DOT1L: variants seen among roughly 807,000 people sequenced by gnomAD.
The protein encoded by DOT1L is DOT1 like histone lysine methyltransferase.
In DOT1L, 33 loss-of-function variants were observed where a neutral mutation model predicts 153.3. That is an observed-to-expected ratio of 0.22 (90% confidence interval 0.16 to 0.29). The LOEUF (loss-of-function observed/expected upper bound fraction) is 0.29, where lower values mean the gene tolerates loss of function less well. Among genes scored for constraint, DOT1L ranks in the 10% least tolerant of loss-of-function variants. The probability of loss-of-function intolerance (pLI) is 1.00; values close to 1 mark genes in which losing one functional copy is unlikely to be tolerated. For synonymous variants in DOT1L, 1,135 were observed against 965.1 expected, an observed-to-expected ratio of 1.18 and a Z score of -3.26; for missense variants, 1,847 against 2,119.9, an observed-to-expected ratio of 0.87 and a Z score of 2.53.
At chr19:2,165,739 C>A (rs552391264) in intron 1 of DOT1L, among the ~76,000 whole-genome samples, 9 of 152,048 alleles carry the variant, frequency 5.9e-5, no homozygotes, top group Admixed American at 5.9e-4. Flanking sequence ...GGCTTACCAC[C>A]GTCCGACCAG....
rs116033156 is a variant in DOT1L, at chr19:2,214,485, C to T, written c.1812C>T (p.Cys604=). 40 of 1,612,874 alleles carry T rather than the reference C, an allele frequency of 2.5e-5. No individual in the cohort carries two copies. The highest frequency in any genetic ancestry group is 1.7e-4 in the Middle Eastern group (1 of 6,058). ...GQSLQLLKAR[C]EELQLDWATL... ...TATCCCCTCAGCTCAAGGCTCGCTG[C>T]GAGGAGCTGCAGCTGGACTGGGCCA... The change falls in exon 19 of 28, where the codon TGC becomes TGT. Residue 604 remains cysteine (C), a synonymous_variant. Transcript: ENST00000398665.
chr19:2,179,438 G>T (rs1333922424), intron 1 of DOT1L, among the ~76,000 whole-genome samples: 1 of 152,148 alleles, frequency 6.6e-6, no homozygotes, highest in Admixed American at 6.6e-5. Context: ...GCATCCAGGG[G>T]ATCGCGTCTG....
chr19:2,188,974 C>T (rs956384679), intron 3 of DOT1L, among the ~76,000 whole-genome samples: 1 of 152,224 alleles, frequency 6.6e-6, no homozygotes, highest in African/African-American at 2.4e-5. Flanking sequence ...CTCTGGTGGG[C>T]TCTGCCCCGA....
chr19:2,212,000 AC>A, intron 16 of DOT1L, 158 bp downstream of exon 16: 1 of 657,146 alleles, frequency 1.5e-6, no homozygotes, highest in Non-Finnish European at 2.5e-6. Flanking sequence ...ACCCGTTTAA[AC>A]CCAAAGAATG....
rs979477086 is a variant in DOT1L at position 2,207,970 on chromosome 19, G to A, written c.963+290G>A. ...GGTGGGGCGGGGCCATCAGAGTGAT[G>A]TGTGACCATAAGGGTCCCGGCCGCC... On this transcript the variant is annotated intron_variant, in intron 11 of 27. Coordinates refer to ENST00000398665, the MANE Select transcript of DOT1L (RefSeq NM_032482.3). The surrounding 1 kb of genome is among the most constrained non-coding windows in gnomAD (Gnocchi z 4.5). 2.0e-5 allele frequency among the ~76,000 whole-genome samples: 3 copies of A among 152,144 alleles called. No individual in the cohort carries two copies. Among genetic ancestry groups the A allele is most frequent in the African/African-American group, 4.8e-5 (2 of 41,424 alleles).
At chr19:2,199,104 C>T (rs1229458331) in intron 7 of DOT1L, among the ~76,000 whole-genome samples, 3 of 152,182 alleles carry the variant, frequency 2.0e-5, no homozygotes, top group African/African-American at 7.2e-5. Flanking sequence ...ATTTGAAAGG[C>T]GGTGTCTTGA....
intron 9 of DOT1L, among the ~76,000 whole-genome samples, chr19:2,203,929 C>G (rs916751922): frequency 6.6e-6 from 1 of 152,238 alleles, no homozygotes; most frequent in African/African-American, 2.4e-5. Context: ...GGGGTACCCC[C>G]TCTTCCTCCC....
Position 2,222,993 on chromosome 19 carries a change from C to T in DOT1L, c.3391-288C>T. 1 of 466,292 alleles carries T rather than the reference C, an allele frequency of 2.1e-6. No homozygotes were observed. Among genetic ancestry groups the T allele is most frequent in the Non-Finnish European group, 3.8e-6 (1 of 263,668 alleles). 28.9% of individuals were successfully genotyped at this position (466,292 alleles called of 1,614,324 possible). A position where few individuals can be genotyped will look rare whatever the true frequency, so the allele number is the denominator to read the frequency against. ...GGGAAGAGGCGGCCGACAGCTGTCT[C>T]TGGGGTTCGGAGTGCGATGCGCTGC... is the stretch of plus-strand genomic sequence containing the variant. On this transcript the variant is annotated intron_variant, in intron 24 of 27. Transcript: ENST00000398665. The surrounding 1 kb of genome is among the most constrained non-coding windows in gnomAD (Gnocchi z 6.5).
intron 7 of DOT1L, among the ~76,000 whole-genome samples, chr19:2,199,240 C>T (rs1258879867): frequency 6.6e-6 from 1 of 152,228 alleles, no homozygotes; most frequent in Non-Finnish European, 1.5e-5. Flanking sequence ...GTGAGTGTGG[C>T]GTGGAGCTGT....
At chr19:2,192,070 G>A (rs1288379596) in intron 5 of DOT1L, among the ~76,000 whole-genome samples, 1 of 152,230 alleles carries the variant, frequency 6.6e-6, no homozygotes, top group Non-Finnish European at 1.5e-5. Flanking sequence ...TGTCTAGGCT[G>A]TCCCTGGGCT....
At chr19:2,215,531 C>T (rs2023866371) in intron 19 of DOT1L, 1 of 152,396 alleles carries the variant, frequency 6.6e-6, no homozygotes, top group South Asian at 2.1e-4. Context: ...GTTGATGGAC[C>T]TGGTGCCCTG....
chr19:2,226,794 A>C lies in DOT1L; in HGVS notation c.4273A>C (p.Asn1425His). ...CGAGGTCGACCTCAAGAATGGCCAC[A>C]ACCTCTTCATCTCTGCGGCGGCCGT... Reference protein sequence around the residue: ...DREVDLKNGHNLFISAAAVPP... With the variant: ...DREVDLKNGHHLFISAAAVPP... Residue 1425 changes from asparagine (N) to histidine (H), a missense_variant, in exon 27 of 28, where the codon AAC (asparagine) becomes CAC (histidine). Asn to His is a moderately conservative substitution (Grantham distance 68). Coordinates refer to ENST00000398665, the MANE Select transcript of DOT1L (RefSeq NM_032482.3). The C allele has an allele frequency of 1.3e-6, 2 of 1,580,660 alleles. No homozygotes were observed. Among genetic ancestry groups the C allele is most frequent in the Non-Finnish European group, 1.7e-6 (2 of 1,169,870 alleles).
In DOT1L at chr19:2,221,979, TCTC is replaced by T. The variant is rs776048897; in HGVS notation, c.2813_2815del (p.Ser938del). The T allele has an allele frequency of 1.0e-5, 16 of 1,602,246 alleles. No homozygotes were observed. Among genetic ancestry groups the T allele is most frequent in the South Asian group, 4.4e-5 (4 of 90,290 alleles). On this transcript the variant is annotated inframe_deletion, in exon 24 of 28. Transcript: ENST00000398665. ...ACCCCCATGTCCTTCCCGGCAGGCT[TCTC>T]CTACGCTGGCTCGGTGGCCATCAGC...
rs117288331 is a variant in DOT1L at position 2,167,560 on chromosome 19, C to T, written c.81+3295C>T. Reference sequence around the variant, plus strand: ...GGTGTGCTGGTCCTGGCGCCGTCTACGGCCTCTTCCTGCTCTGGTTGGCCC... The same window carrying T: ...GGTGTGCTGGTCCTGGCGCCGTCTATGGCCTCTTCCTGCTCTGGTTGGCCC... On this transcript the variant is annotated intron_variant, in intron 1 of 27. Coordinates refer to ENST00000398665, the MANE Select transcript of DOT1L (RefSeq NM_032482.3). 8.1e-4 allele frequency among the ~76,000 whole-genome samples: 124 copies of T among 152,338 alleles called. 1 individual carries two copies. The East Asian group carries it at 0.019, about 23-fold the overall frequency.
At chr19:2,177,421 C>G (rs1004927245) in intron 1 of DOT1L, among the ~76,000 whole-genome samples, 4 of 152,070 alleles carry the variant, frequency 2.6e-5, no homozygotes, top group Non-Finnish European at 4.4e-5. Context: ...CTCAGCCTCC[C>G]TAGTAGCTGG....
chr19:2,167,555 G>T (rs1000113788), intron 1 of DOT1L, among the ~76,000 whole-genome samples: 2 of 152,184 alleles, frequency 1.3e-5, no homozygotes, highest in Admixed American at 6.5e-5. Context: ...TCCTGGCGCC[G>T]TCTACGGCCT....
At chr19:2,223,208 G>A in intron 24 of DOT1L, 73 bp from the exon 25 acceptor site, 1 of 1,545,490 alleles carries the variant, frequency 6.5e-7, no homozygotes, top group Non-Finnish European at 8.9e-7. Context: ...GAGCCTCCTG[G>A]GGCGGGGGGG....
Position 2,220,214 on chromosome 19 carries a change from C to G in DOT1L, c.2798C>G (p.Ala933Gly). The change falls in exon 23 of 28, where the codon GCC (alanine) becomes GGC (glycine). Residue 933 changes from alanine to glycine, a missense_variant. Ala to Gly is a moderately conservative substitution (Grantham distance 60). Around this residue, in one of 8 missense-constraint regions of DOT1L, gnomAD observed 68 missense variants for 80.7 expected, o/e 0.84. Coordinates refer to ENST00000398665, the MANE Select transcript of DOT1L (RefSeq NM_032482.3). The surrounding 1 kb of genome is among the most constrained non-coding windows in gnomAD (Gnocchi z 4.5). Reference protein sequence around the residue: ...HGAGSRSLALAPAGFSYAGSV... With the variant: ...HGAGSRSLALGPAGFSYAGSV... ...GCTGGGAGCAGAAGCCTTGCCCTGG[C>G]CCCCGCAGGTAACGCCCCTCCTGTG... 1 of 1,612,938 alleles carries G rather than the reference C, an allele frequency of 6.2e-7. No individual in the cohort carries two copies. The highest frequency in any genetic ancestry group is 8.5e-7 in the Non-Finnish European group (1 of 1,179,740).
intron 15 of DOT1L, 58 bp from the exon 16 acceptor site, chr19:2,211,693 C>G (rs774935992): frequency 2.7e-6 from 4 of 1,458,754 alleles, no homozygotes; most frequent in Non-Finnish European, 3.7e-6. Flanking sequence ...CTGCTCCCAC[C>G]TCTTCCCTCT....
Sources: gnomAD v4.1 joint callset for allele counts (sites outside exome capture counted in the v4.1 genomes callset) on GRCh38, gnomAD v4.1.1 for gene constraint, gnomAD v4.1.1 regional missense constraint, Gnocchi (gnomAD v3.1) non-coding constraint, MANE v1.5 for transcripts, NCBI Gene and HGNC (gene_info 2026-07-23, HGNC 2026-07-21) for gene names.